Variants in DENND2B observed in about 807,000 individuals in gnomAD.
DENND2B encodes DENN domain containing 2B.
A neutral mutation model predicts 116.0 loss-of-function variants in DENND2B; 32 were observed. That is an observed-to-expected ratio of 0.28 (90% CI 0.21 to 0.37). The LOEUF (loss-of-function observed/expected upper bound fraction) is 0.37, where lower values mean the gene tolerates loss of function less well. DENND2B is among the 10% of genes least tolerant of loss of function. The pLI, the probability that DENND2B is intolerant of heterozygous loss-of-function variation, is 1.00. For synonymous variants in DENND2B, 588 were observed against 583.9 expected (o/e 1.01, Z -0.10); for missense variants, 1,276 against 1,477.7 (o/e 0.86, Z 2.24).
chr11:8,821,597 C>T (rs2061770865), intron 4 of DENND2B, among the ~76,000 whole-genome samples: 3 of 151,580 alleles, frequency 2.0e-5, no homozygotes, highest in Admixed American at 2.0e-4. Flanking sequence ...AAAGAACTAA[C>T]TTTAAATGGC....
intron 3 of DENND2B, among the ~76,000 whole-genome samples, chr11:8,839,640 C>T (rs1230018279): frequency 6.6e-6 from 1 of 152,130 alleles, no homozygotes; most frequent in Non-Finnish European, 1.5e-5. Flanking sequence ...CCCTCCTGTC[C>T]TCTCACAAGC....
At chr11:8,896,306 T>G (rs1252537869) in intron 1 of DENND2B, among the ~76,000 whole-genome samples, 2 of 152,118 alleles carry the variant, frequency 1.3e-5, no homozygotes, top group Non-Finnish European at 2.9e-5. Context: ...AGCTTTATCC[T>G]AAAAGAATAT....
At chr11:8,897,239 A>G (rs1160162384) in intron 1 of DENND2B, among the ~76,000 whole-genome samples, 2 of 152,238 alleles carry the variant, frequency 1.3e-5, no homozygotes, top group African/African-American at 2.4e-5. Context: ...CCTGGGCAAC[A>G]GAGCACGACA....
intron 1 of DENND2B, among the ~76,000 whole-genome samples, chr11:8,883,466 G>C (rs1035976197): frequency 6.6e-6 from 1 of 152,090 alleles, no homozygotes; most frequent in Non-Finnish European, 1.5e-5. Context: ...AGTTTGGTTT[G>C]ATTTTCTTTT....
intron 1 of DENND2B, chr11:8,776,206 G>A (rs1209472897): frequency 4.7e-6 from 2 of 422,472 alleles, no homozygotes; most frequent in South Asian, 3.2e-5. Context: ...CTCCAGGCAG[G>A]ACACCTTCTG....
At chr11:8,721,425 G>C (rs1305911840) in intron 4 of DENND2B, among the ~76,000 whole-genome samples, 1 of 152,148 alleles carries the variant, frequency 6.6e-6, no homozygotes, top group African/African-American at 2.4e-5. Context: ...CAGGCACTGA[G>C]AATTTCTCCA....
intron 1 of DENND2B, among the ~76,000 whole-genome samples, chr11:8,767,277 A>G (rs1219688358): frequency 6.6e-6 from 1 of 152,112 alleles, no homozygotes; most frequent in Non-Finnish European, 1.5e-5. Context: ...GAGAATGTTT[A>G]CCCTGGAGAA....
At chr11:8,802,629 G>C (rs768362223) in intron 1 of DENND2B, among the ~76,000 whole-genome samples, 1 of 152,136 alleles carries the variant, frequency 6.6e-6, no homozygotes, top group African/African-American at 2.4e-5. Context: ...ACAGATTTGC[G>C]TCTGGGCACT....
chr11:8,848,261 T>A (rs1351844961), intron 3 of DENND2B, among the ~76,000 whole-genome samples: 1 of 152,230 alleles, frequency 6.6e-6, no homozygotes, highest in Admixed American at 6.5e-5. Flanking sequence ...TGAAGAAATT[T>A]ACCCATCACA....
rs1233235690 is a variant in DENND2B, at chr11:8,726,225, G to C, written c.1341-16C>G. ...AAAGGATTTTCTGTGGATAACAAGAGCAAGAGTCATTCCTGCTGAATCAGA... is the reference window on the plus strand; with the variant it reads ...AAAGGATTTTCTGTGGATAACAAGACCAAGAGTCATTCCTGCTGAATCAGA... On this transcript the variant is annotated splice_polypyrimidine_tract_variant and intron_variant, in intron 3 of 19. Coordinates refer to ENST00000313726, the MANE Select transcript of DENND2B (RefSeq NM_213618.2). 1.3e-6 allele frequency: 2 copies of C among 1,598,426 alleles called. No homozygotes were observed. The highest frequency in any genetic ancestry group is 2.2e-5 in the East Asian group (1 of 44,662).
At chr11:8,703,821 C>A (rs2042122998) in intron 13 of DENND2B, among the ~76,000 whole-genome samples, 2 of 152,216 alleles carry the variant, frequency 1.3e-5, no homozygotes, top group Non-Finnish European at 2.9e-5. Context: ...TCCACTGTCT[C>A]TCCCGCCTGA....
intron 1 of DENND2B, among the ~76,000 whole-genome samples, chr11:8,803,117 G>T (rs1235735881): frequency 1.3e-5 from 2 of 152,166 alleles, no homozygotes; most frequent in Non-Finnish European, 2.9e-5. Flanking sequence ...AGGTGTGGTG[G>T]CTCACATCTG....
At chr11:8,815,822 AGT>A (rs1451692577) in intron 4 of DENND2B, among the ~76,000 whole-genome samples, 1 of 152,224 alleles carries the variant, frequency 6.6e-6, no homozygotes, top group Non-Finnish European at 1.5e-5. Context: ...GTATGCAATA[AGT>A]GTGTGTGAGA....
intron 4 of DENND2B, among the ~76,000 whole-genome samples, chr11:8,825,975 G>A (rs1309632674): frequency 6.6e-6 from 1 of 152,148 alleles, no homozygotes; most frequent in Non-Finnish European, 1.5e-5. Context: ...GGTAAATGGA[G>A]TCTTGAATAA....
chr11:8,814,266 C>CT (rs2061493150), upstream of DENND2B, among the ~76,000 whole-genome samples: 1 of 31,258 alleles, frequency 3.2e-5, no homozygotes, highest in Non-Finnish European at 7.3e-5. Context: ...GTCTGAATCA[C>CT]CTTTTTTTTT....
At chr11:8,861,621 T>C (rs139434479) in intron 2 of DENND2B, among the ~76,000 whole-genome samples, 1,757 of 152,326 alleles carry the variant, frequency 0.012, 45 homozygotes, top group African/African-American at 0.041. Flanking sequence ...GAAAACAGTA[T>C]GGAGATTTCT....
At chr11:8,711,062 C>T in intron 10 of DENND2B, 60 bp downstream of exon 10, 2 of 1,580,012 alleles carry the variant, frequency 1.3e-6, no homozygotes, top group African/African-American at 2.7e-5. Flanking sequence ...CTCAGGTGCC[C>T]ACGCTATGGG....
chr11:8,788,985 T>C (rs1351348591), intron 1 of DENND2B, among the ~76,000 whole-genome samples: 1 of 152,240 alleles, frequency 6.6e-6, no homozygotes, highest in African/African-American at 2.4e-5. Flanking sequence ...CTCCTTTCTC[T>C]TTCCACTGTA....
At chr11:8,751,639 G>C (rs542354275) in intron 1 of DENND2B, among the ~76,000 whole-genome samples, 2 of 152,202 alleles carry the variant, frequency 1.3e-5, no homozygotes, top group African/African-American at 4.8e-5. Context: ...CGGCCTTTAA[G>C]AACTGTAACA....
Sources: allele counts gnomAD v4.1 joint callset (sites outside exome capture counted in the v4.1 genomes callset), GRCh38; gene constraint gnomAD v4.1.1; transcripts MANE v1.5; gene names NCBI Gene and HGNC (gene_info 2026-07-23, HGNC 2026-07-21).